HTRA1: variants seen among roughly 807,000 people sequenced by gnomAD.
HTRA1 encodes the protein serine protease HTRA1.
A neutral mutation model predicts 49.7 loss-of-function variants in HTRA1; 26 were observed. The observed-to-expected ratio is 0.52, with a 90% CI of 0.38 to 0.73. The LOEUF is 0.73. HTRA1 is among the 30% of genes least tolerant of loss of function. The probability of loss-of-function intolerance (pLI) is 0.00; values close to 1 mark genes in which losing one functional copy is unlikely to be tolerated. For missense variants in HTRA1, 561 were observed against 667.2 expected (o/e 0.84, Z 1.75); for synonymous variants, 291 against 286.9 (o/e 1.01, Z -0.14).
Position 122,510,027 on chromosome 10 carries a change from G to T in HTRA1, c.1121-69G>T. 5.1e-6 allele frequency: 7 copies of T among 1,369,306 alleles called. No individual in the cohort carries two copies. In the South Asian group the frequency reaches 7.0e-5, roughly 14 times the overall value. 84.8% of individuals were successfully genotyped at this position (1,369,306 alleles called of 1,614,324 possible). On this transcript the variant is annotated intron_variant, in intron 6 of 8. Transcript: ENST00000368984. ...CTGCAACCTGGGGGATTGGGCCCCC[G>T]GCCCCTGGTGTCCCCAGCACCCCCA...
intron 3 of HTRA1, among the ~76,000 whole-genome samples, chr10:122,505,218 G>A (rs1005334873): frequency 1.3e-5 from 2 of 152,164 alleles, no homozygotes; most frequent in Non-Finnish European, 2.9e-5. Flanking sequence ...AAATCACGCA[G>A]CCTGGCCCCA....
chr10:122,467,356 C>A (rs1207642945), intron 1 of HTRA1, among the ~76,000 whole-genome samples: 1 of 152,138 alleles, frequency 6.6e-6, no homozygotes, highest in East Asian at 1.9e-4. Flanking sequence ...CCTCTCGGAG[C>A]CTCGGCAGTG....
At position 122,504,000 on chromosome 10, in the gene HTRA1, G is replaced by A. The variant is rs201963175; in HGVS notation, c.778-2691G>A. Among the ~76,000 whole-genome samples the A allele has an allele frequency of 6.8e-4, 103 of 152,294 alleles. 2 individuals are homozygous for A. The East Asian group carries it at 0.019, about 29-fold the overall frequency. On this transcript the variant is annotated intron_variant, in intron 3 of 8. Transcript: ENST00000368984. ...CAGACTGCCTGGGTTTGCATCACGGGTGTCCATCTTGTCGAAGCCCATGTG... is the reference window on the plus strand; with the variant it reads ...CAGACTGCCTGGGTTTGCATCACGGATGTCCATCTTGTCGAAGCCCATGTG...
chr10:122,480,113 G>A lies in HTRA1; in HGVS notation c.473-8789G>A, dbSNP rs185687296. 4.5e-4 allele frequency among the ~76,000 whole-genome samples: 68 copies of A among 152,300 alleles called. No homozygotes were observed. In the South Asian group the frequency reaches 8.9e-3, roughly 20 times the overall value. On this transcript the variant is annotated intron_variant, in intron 1 of 8. Coordinates refer to ENST00000368984, the MANE Select transcript of HTRA1 (RefSeq NM_002775.5). The stretch of plus-strand genomic sequence containing the variant: ...CTTTGGAGTAGGTGATATTAGCTCC[G>A]TGTTACAGAAAGGGAGACTGAGGCT...
intron 3 of HTRA1, among the ~76,000 whole-genome samples, chr10:122,505,348 A>G (rs1025327573): frequency 6.6e-6 from 1 of 152,112 alleles, no homozygotes; most frequent in African/African-American, 2.4e-5. Context: ...CTGTCTTCAT[A>G]TCCCTTTCTC....
chr10:122,501,248 C>T (rs2097500746), intron 3 of HTRA1, among the ~76,000 whole-genome samples: 1 of 152,164 alleles, frequency 6.6e-6, no homozygotes, highest in Non-Finnish European at 1.5e-5. Context: ...GGAGTGATTT[C>T]CCTGCCTTGC....
chr10:122,508,830 C>G, intron 6 of HTRA1, 60 bp downstream of exon 6: 2 of 1,017,758 alleles, frequency 2.0e-6, no homozygotes, highest in Non-Finnish European at 3.1e-6. Flanking sequence ...CTCAGCTGCC[C>G]TTTGGGACTT....
At chr10:122,477,949 G>C (rs1031761672) in intron 1 of HTRA1, among the ~76,000 whole-genome samples, 1 of 152,158 alleles carries the variant, frequency 6.6e-6, no homozygotes, top group Admixed American at 6.5e-5. Flanking sequence ...TGGGACAGGG[G>C]AGGCGGATAA....
chr10:122,492,115 A>G (rs894642370), intron 3 of HTRA1, among the ~76,000 whole-genome samples: 1 of 151,992 alleles, frequency 6.6e-6, no homozygotes, highest in Non-Finnish European at 1.5e-5. Flanking sequence ...ACTGTGCTTG[A>G]GGAATGAAAA....
chr10:122,495,434 CCAGA>C (rs376397319), intron 3 of HTRA1, among the ~76,000 whole-genome samples: 36 of 152,124 alleles, frequency 2.4e-4, no homozygotes, highest in African/African-American at 7.7e-4. Flanking sequence ...GAATGTGAAG[CCAGA>C]CAGTGAAGTA....
rs139553054 is a variant in HTRA1 at position 122,506,438 on chromosome 10, C to T, written c.778-253C>T. Among the ~76,000 whole-genome samples the T allele has an allele frequency of 1.2e-3, 183 of 152,262 alleles. 1 individual carries two copies. The highest frequency in any genetic ancestry group is 4.0e-3 in the Admixed American group (61 of 15,300). The stretch of plus-strand genomic sequence containing the variant: ...GACTTGGCCTCCAGTTACCTCCCCA[C>T]GGTTTCCTTGGTGTGTGTGTGGCTT... On this transcript the variant is annotated intron_variant, in intron 3 of 8. Transcript: ENST00000368984. This position sits in a 1 kb window ranked among gnomAD's most constrained non-coding sequence, Gnocchi z 5.2.
chr10:122,510,618 G>A (rs2097505161), intron 7 of HTRA1, among the ~76,000 whole-genome samples: 1 of 152,176 alleles, frequency 6.6e-6, no homozygotes, highest in Non-Finnish European at 1.5e-5. Context: ...GCAGGGAAGT[G>A]AATGACTGAT....
intron 1 of HTRA1, among the ~76,000 whole-genome samples, chr10:122,463,141 C>A (rs2133906406): frequency 6.6e-6 from 1 of 152,382 alleles, no homozygotes; most frequent in East Asian, 1.9e-4. Context: ...TCAACACGGG[C>A]AGTGCCAGGA....
At position 122,496,224 on chromosome 10, in the gene HTRA1, G is replaced by GTTTTTTTTTTTTTT. The variant is rs1565427091; in HGVS notation, c.777+6598_777+6599insTTTTTTTTTTTTTT. Among the ~76,000 whole-genome samples, 20 of 32,104 alleles carry GTTTTTTTTTTTTTT rather than the reference G, an allele frequency of 6.2e-4. 1 individual carries two copies. Among genetic ancestry groups the GTTTTTTTTTTTTTT allele is most frequent in the South Asian group, 7.6e-4 (1 of 1,308 alleles). 21.1% of individuals were successfully genotyped at this position (32,104 alleles called of 152,430 possible). A position where few individuals can be genotyped will look rare whatever the true frequency, so the allele number is the denominator to read the frequency against. ...GCCCTTTCGTTTGCCAGAGATTGTG[G>GTTTTTTTTTTTTTT]GTTCTTTTTTTTTTTTTTTTTTTTT... is the stretch of plus-strand genomic sequence containing the variant. On this transcript the variant is annotated intron_variant, in intron 3 of 8. Coordinates refer to ENST00000368984, the MANE Select transcript of HTRA1 (RefSeq NM_002775.5).
chr10:122,505,185 G>C (rs2097502533), intron 3 of HTRA1, among the ~76,000 whole-genome samples: 1 of 152,192 alleles, frequency 6.6e-6, no homozygotes, highest in Admixed American at 6.5e-5. Context: ...GACCTGAGTG[G>C]TCATAAGCTC....
chr10:122,469,672 A>T lies in HTRA1; in HGVS notation c.472+7548A>T, dbSNP rs561400986. Among the ~76,000 whole-genome samples the T allele has an allele frequency of 2.0e-5, 3 of 152,274 alleles. No homozygotes were observed. The East Asian group carries it at 5.8e-4, about 29-fold the overall frequency. ...GTTCTTACCTTGTAGCCACCCAGAGAGGCAGGGCATTATCCTTGCTTCCTA... is the reference window on the plus strand; with the variant it reads ...GTTCTTACCTTGTAGCCACCCAGAGTGGCAGGGCATTATCCTTGCTTCCTA... On this transcript the variant is annotated intron_variant, in intron 1 of 8. Transcript: ENST00000368984.
At chr10:122,482,564 T>C (rs1459216821) in intron 1 of HTRA1, among the ~76,000 whole-genome samples, 1 of 152,128 alleles carries the variant, frequency 6.6e-6, no homozygotes, top group Non-Finnish European at 1.5e-5. Context: ...CTGCCTCAGA[T>C]CTAATCTTTA....
At chr10:122,496,447 C>T (rs973269000) in intron 3 of HTRA1, among the ~76,000 whole-genome samples, 5 of 151,258 alleles carry the variant, frequency 3.3e-5, no homozygotes, top group Non-Finnish European at 7.4e-5. Flanking sequence ...TTGTTAATTC[C>T]CTGATTTTAT....
intron 3 of HTRA1, among the ~76,000 whole-genome samples, chr10:122,504,001 T>C (rs180919799): frequency 4.2e-4 from 64 of 152,270 alleles, no homozygotes; most frequent in Admixed American, 1.3e-3. Context: ...GCATCACGGG[T>C]GTCCATCTTG....
Sources: allele counts gnomAD v4.1 joint callset (sites outside exome capture counted in the v4.1 genomes callset), GRCh38; gene constraint gnomAD v4.1.1; non-coding constraint Gnocchi (gnomAD v3.1); transcripts MANE v1.5; gene names NCBI Gene and HGNC (gene_info 2026-07-23, HGNC 2026-07-21).